RAI14: variants seen among roughly 807,000 people sequenced by gnomAD.
RAI14 encodes ankycorbin.
A neutral mutation model predicts 115.4 loss-of-function variants in RAI14; 45 were observed. The ratio of observed to expected loss-of-function variants is 0.39; its 90% CI spans 0.31 to 0.50. RAI14 has a LOEUF of 0.50. RAI14 is among the 20% of genes least tolerant of loss of function. The pLI is 0.85. For synonymous variants in RAI14, 371 were observed against 415.4 expected (o/e 0.89, Z 1.30); for missense variants, 939 against 1,131.2 (o/e 0.83, Z 2.44).
At chr5:34,800,680 G>T (rs751602803) in intron 4 of RAI14, among the ~76,000 whole-genome samples, 9 of 152,146 alleles carry the variant, frequency 5.9e-5, no homozygotes, top group Non-Finnish European at 1.0e-4. Flanking sequence ...GGGAATAAAA[G>T]AATTTTTGCT....
intron 5 of RAI14, among the ~76,000 whole-genome samples, chr5:34,806,297 C>CTT (rs1310130425): frequency 6.6e-6 from 1 of 152,128 alleles, no homozygotes; most frequent in African/African-American, 2.4e-5. Flanking sequence ...GATGTAGGGC[C>CTT]TTTTGTATGT....
At position 34,754,707 on chromosome 5, in the gene RAI14, A is replaced by C. The variant is rs147729420; in HGVS notation, c.37-2761A>C. Among the ~76,000 whole-genome samples the C allele has an allele frequency of 1.4e-3, 217 of 152,350 alleles. 1 individual carries two copies. The highest frequency in any genetic ancestry group is 5.1e-3 in the African/African-American group (212 of 41,574). On this transcript the variant is annotated intron_variant, in intron 2 of 17. Transcript: ENST00000265109. ...GCACTGAAAAGAGGCTCTAGATAGA[A>C]GAGAGGCATTTCAGACCACTAGGAA...
chr5:34,808,964 G>A lies in RAI14; in HGVS notation c.450+310G>A, dbSNP rs192854561. ...ATCTTATAGGCAGTACTGCTCACTC[G>A]CCTGCCACTTACTCCCCGCTGTGCA... On this transcript the variant is annotated intron_variant, in intron 7 of 17. Coordinates refer to ENST00000265109, the MANE Select transcript of RAI14 (RefSeq NM_015577.3). Among the ~76,000 whole-genome samples the A allele has an allele frequency of 2.1e-3, 313 of 152,242 alleles. 4 individuals carry two copies. Among genetic ancestry groups the A allele is most frequent in the Admixed American group, 3.1e-3 (48 of 15,284 alleles).
At chr5:34,735,497 G>A (rs1744752586) in intron 2 of RAI14, among the ~76,000 whole-genome samples, 1 of 152,076 alleles carries the variant, frequency 6.6e-6, no homozygotes, top group South Asian at 2.1e-4. Context: ...TCACAATCTG[G>A]CTTATATTTC....
rs1406039203 is a variant in RAI14 at position 34,827,394 on chromosome 5, G to A, written c.2799+915G>A. Among the ~76,000 whole-genome samples, 1 of 152,190 alleles carries A rather than the reference G, an allele frequency of 6.6e-6. No homozygotes were observed. Among genetic ancestry groups the A allele is most frequent in the Non-Finnish European group, 1.5e-5 (1 of 68,032 alleles). ...ATTAGGATGTGGACATCTTTCAAGA[G>A]CCATTATTTAGCTTACCACAATATC... is the stretch of plus-strand genomic sequence containing the variant. On this transcript the variant is annotated intron_variant, in intron 16 of 17. Coordinates refer to ENST00000265109, the MANE Select transcript of RAI14 (RefSeq NM_015577.3). The surrounding 1 kb of genome is among the most constrained non-coding windows in gnomAD (Gnocchi z 4.2).
chr5:34,829,968 C>G, intron 17 of RAI14, 171 bp downstream of exon 17: 1 of 565,318 alleles, frequency 1.8e-6, no homozygotes, highest in South Asian at 2.6e-5. Context: ...TGTCAGGAGC[C>G]TTGTGCCCTG....
chr5:34,697,821 C>G (rs1322565678), intron 2 of RAI14, among the ~76,000 whole-genome samples: 1 of 152,086 alleles, frequency 6.6e-6, no homozygotes, highest in Non-Finnish European at 1.5e-5. Flanking sequence ...TTAATCTGAA[C>G]CTACATGACA....
chr5:34,687,970 A>G, intron 2 of RAI14: 3 of 1,102,824 alleles, frequency 2.7e-6, no homozygotes, highest in Non-Finnish European at 3.8e-6. Flanking sequence ...CCCAGGCTAG[A>G]TGAGATGCTT....
intron 3 of RAI14, among the ~76,000 whole-genome samples, chr5:34,776,484 A>ATG (rs907216587): frequency 9.2e-5 from 14 of 152,184 alleles, no homozygotes; most frequent in Non-Finnish European, 1.6e-4. Flanking sequence ...ATTTACCCTG[A>ATG]TGTGATTATT....
intron 3 of RAI14, among the ~76,000 whole-genome samples, chr5:34,788,418 G>A (rs888370352): frequency 8.5e-5 from 13 of 152,054 alleles, no homozygotes; most frequent in African/African-American, 1.7e-4. Flanking sequence ...GCAAAAGTAC[G>A]CCCAGTTGAA....
At chr5:34,779,292 A>T (rs1751299511) in intron 3 of RAI14, among the ~76,000 whole-genome samples, 1 of 152,182 alleles carries the variant, frequency 6.6e-6, no homozygotes, top group African/African-American at 2.4e-5. Context: ...AACTGGAAGC[A>T]TTCCCTTTGA....
At chr5:34,778,428 C>T (rs1403910413) in intron 3 of RAI14, among the ~76,000 whole-genome samples, 1 of 152,178 alleles carries the variant, frequency 6.6e-6, no homozygotes, top group Non-Finnish European at 1.5e-5. Flanking sequence ...GGCATGGTGG[C>T]TCACGCCTGT....
At chr5:34,686,713 C>T (rs1417395274) in intron 1 of RAI14, 159 bp from the exon 2 acceptor site, 1 of 394,730 alleles carries the variant, frequency 2.5e-6, no homozygotes, top group Non-Finnish European at 4.5e-6. Context: ...GGAAGTATAT[C>T]GTAAGTGGAA....
intron 3 of RAI14, among the ~76,000 whole-genome samples, chr5:34,762,185 T>C (rs1210911589): frequency 6.6e-6 from 1 of 152,218 alleles, no homozygotes; most frequent in African/African-American, 2.4e-5. Flanking sequence ...ATCTTATGGG[T>C]AAATTGCTTA....
chr5:34,813,350 G>A (rs551789669), intron 10 of RAI14, among the ~76,000 whole-genome samples: 53 of 152,290 alleles, frequency 3.5e-4, no homozygotes, highest in Admixed American at 1.5e-3. Context: ...ATCTGGTTTT[G>A]TCTCATGTGT....
At chr5:34,808,743 T>C in intron 7 of RAI14, 89 bp downstream of exon 7, 1 of 1,250,484 alleles carries the variant, frequency 8.0e-7, no homozygotes, top group Non-Finnish European at 1.2e-6. Context: ...GACTTTAGAC[T>C]AGCAGTCTCC....
chr5:34,692,852 A>G (rs537570458), intron 2 of RAI14, among the ~76,000 whole-genome samples: 77 of 152,300 alleles, frequency 5.1e-4, no homozygotes, highest in Non-Finnish European at 7.2e-4. Context: ...CTGAAACTAA[A>G]GAAATGTATT....
At chr5:34,780,923 A>G (rs1473419076) in intron 3 of RAI14, among the ~76,000 whole-genome samples, 2 of 152,176 alleles carry the variant, frequency 1.3e-5, no homozygotes, top group African/African-American at 2.4e-5. Flanking sequence ...ATGCACACGT[A>G]TGTTTATTGC....
chr5:34,754,919 C>A (rs1449045922), intron 2 of RAI14, among the ~76,000 whole-genome samples: 1 of 152,120 alleles, frequency 6.6e-6, no homozygotes, highest in Non-Finnish European at 1.5e-5. Context: ...TTCATGCGGC[C>A]GTTCCTTTGC....
Sources: allele counts gnomAD v4.1 joint callset (sites outside exome capture counted in the v4.1 genomes callset), GRCh38; gene constraint gnomAD v4.1.1; non-coding constraint Gnocchi (gnomAD v3.1); transcripts MANE v1.5; gene names NCBI Gene and HGNC (gene_info 2026-07-23, HGNC 2026-07-21).